Variants in GALNT10 observed in about 807,000 individuals in gnomAD.
GALNT10 encodes GalNAc transferase 10.
GALNT10 carries 41 observed loss-of-function variants against 75.0 expected under a neutral mutation model. That is an observed-to-expected ratio of 0.55 (90% CI 0.43 to 0.71). GALNT10 has a LOEUF of 0.71. Ranked by LOEUF, GALNT10 falls within the 30% of genes least tolerant of loss-of-function variation. The pLI is 0.00. For missense variants in GALNT10, 727 were observed against 818.5 expected, an observed-to-expected ratio of 0.89 and a Z score of 1.36; for synonymous variants, 302 against 313.0, an observed-to-expected ratio of 0.96 and a Z score of 0.37.
At chr5:154,315,829 G>A (rs77585238) in intron 3 of GALNT10, among the ~76,000 whole-genome samples, 2 of 152,324 alleles carry the variant, frequency 1.3e-5, no homozygotes, top group African/African-American at 4.8e-5. Flanking sequence ...TAAATTCCTT[G>A]TTGGACCAAG....
chr5:154,359,856 C>G (rs1298911442), intron 4 of GALNT10, among the ~76,000 whole-genome samples: 1 of 151,716 alleles, frequency 6.6e-6, no homozygotes, highest in Non-Finnish European at 1.5e-5. Context: ...CAAGATTCTT[C>G]TCACCATTCT....
chr5:154,385,268 G>T (rs529764113), intron 6 of GALNT10, among the ~76,000 whole-genome samples: 1 of 152,170 alleles, frequency 6.6e-6, no homozygotes, highest in African/African-American at 2.4e-5. Flanking sequence ...CCAGTCTTGT[G>T]CGAGATACCC....
chr5:154,418,067 C>G lies in GALNT10; in HGVS notation c.*1095C>G, dbSNP rs972319349. 4.6e-5 allele frequency: 7 copies of G among 152,222 alleles called. No homozygotes were observed. Among genetic ancestry groups the G allele is most frequent in the African/African-American group, 1.4e-4 (6 of 41,444 alleles). The allele number at this position is 152,222 out of a possible 1,614,324, so 9.4% of individuals were successfully genotyped here. A position where few individuals can be genotyped will look rare whatever the true frequency, so the allele number is the denominator to read the frequency against. ...GGATGCTACATAGGATTCTGGTATT[C>G]CACATCCAATATGGATTTCTAGAAT... On this transcript the variant is annotated 3_prime_UTR_variant, in exon 12 of 12. Transcript: ENST00000297107.
chr5:154,301,996 C>A (rs1754369912), intron 3 of GALNT10, among the ~76,000 whole-genome samples: 1 of 152,174 alleles, frequency 6.6e-6, no homozygotes, highest in Non-Finnish European at 1.5e-5. Context: ...TTTGGAGTCA[C>A]CAAGTGTGGA....
At chr5:154,241,262 C>T (rs1302757263) in intron 1 of GALNT10, among the ~76,000 whole-genome samples, 2 of 152,102 alleles carry the variant, frequency 1.3e-5, no homozygotes, top group African/African-American at 4.8e-5. Flanking sequence ...AATTCTGGGC[C>T]CCAGCTGAGG....
intron 3 of GALNT10, among the ~76,000 whole-genome samples, chr5:154,305,376 T>C (rs1754418946): frequency 6.6e-6 from 1 of 151,890 alleles, no homozygotes; most frequent in Non-Finnish European, 1.5e-5. Flanking sequence ...ATAATCACAT[T>C]AAATGTAAAT....
intron 1 of GALNT10, among the ~76,000 whole-genome samples, chr5:154,293,059 G>A (rs1754219083): frequency 6.6e-6 from 1 of 152,156 alleles, no homozygotes; most frequent in Non-Finnish European, 1.5e-5. Context: ...GTCTATAGGA[G>A]AAAGAATACA....
intron 3 of GALNT10, among the ~76,000 whole-genome samples, chr5:154,301,158 A>T (rs539118809): frequency 5.3e-5 from 8 of 152,316 alleles, no homozygotes; most frequent in African/African-American, 1.9e-4. Context: ...GAGTCTGTGA[A>T]GTTGGATGAG....
At chr5:154,211,724 C>T (rs1581920299) in intron 1 of GALNT10, among the ~76,000 whole-genome samples, 1 of 152,108 alleles carries the variant, frequency 6.6e-6, no homozygotes, top group Non-Finnish European at 1.5e-5. Flanking sequence ...CAACCGGAGC[C>T]GGTTAATCTA....
intron 4 of GALNT10, among the ~76,000 whole-genome samples, chr5:154,363,243 G>A (rs1240427981): frequency 1.3e-5 from 2 of 152,030 alleles, no homozygotes; most frequent in East Asian, 3.9e-4. Flanking sequence ...GGTGTGACTA[G>A]CACAGCTTGT....
chr5:154,343,930 C>G (rs905576372), intron 4 of GALNT10, among the ~76,000 whole-genome samples: 4 of 152,232 alleles, frequency 2.6e-5, no homozygotes, highest in Admixed American at 6.5e-5. Context: ...AGAATACTCA[C>G]TGGCTCGGGT....
In GALNT10 at chr5:154,190,953, G is replaced by A; in HGVS notation, c.87G>A (p.Ala29=). Residue 29 remains alanine (A), a synonymous_variant, in exon 1 of 12, where the codon GCG becomes GCA. Coordinates refer to ENST00000297107, the MANE Select transcript of GALNT10 (RefSeq NM_198321.4). ...LVLLPNVGLW[A]LYRERQPDGT... ...TCCTGCCCAACGTGGGGCTTTGGGC[G>A]CTGTACCGCGAGCGGCAGCCCGACG... 3 of 1,509,572 alleles carry A rather than the reference G, an allele frequency of 2.0e-6. No homozygotes were observed. Among genetic ancestry groups the A allele is most frequent in the Non-Finnish European group, 2.7e-6 (3 of 1,131,012 alleles). The allele number at this position is 1,509,572 out of a possible 1,614,324, so 93.5% of individuals were successfully genotyped here.
At chr5:154,380,763 C>A in intron 6 of GALNT10, 132 bp downstream of exon 6, 2 of 610,428 alleles carry the variant, frequency 3.3e-6, no homozygotes, top group East Asian at 2.8e-5. Flanking sequence ...CACTTAGTAC[C>A]AAGTGTCAGA....
rs183099425 is a variant in GALNT10, at chr5:154,417,544, G to T, written c.*572G>T. 1 of 153,702 alleles carries T rather than the reference G, an allele frequency of 6.5e-6. No individual in the cohort carries two copies. Among genetic ancestry groups the T allele is most frequent in the Non-Finnish European group, 1.4e-5 (1 of 69,078 alleles). 9.5% of individuals were successfully genotyped at this position (153,702 alleles called of 1,614,324 possible). On this transcript the variant is annotated 3_prime_UTR_variant, in exon 12 of 12. Transcript: ENST00000297107. ...CTCTGTCACAACCCCAGGTGATTTG[G>T]TCCGGTCAAAGGCCATACTTGGGGC...
intron 3 of GALNT10, among the ~76,000 whole-genome samples, chr5:154,305,304 A>C (rs1464277264): frequency 6.6e-6 from 1 of 151,830 alleles, no homozygotes; most frequent in Non-Finnish European, 1.5e-5. Flanking sequence ...TGTAAAAAAA[A>C]AAAAAAAGAA....
chr5:154,208,189 G>A (rs1276637169), intron 1 of GALNT10, among the ~76,000 whole-genome samples: 2 of 152,180 alleles, frequency 1.3e-5, no homozygotes, highest in Non-Finnish European at 2.9e-5. Context: ...TCTCTGCTAA[G>A]CACTTGACAT....
At chr5:154,387,177 G>A (rs1181559472) in intron 7 of GALNT10, 1 of 152,174 alleles carries the variant, frequency 6.6e-6, no homozygotes, top group Admixed American at 6.5e-5. Context: ...ACCAGCCTAT[G>A]GACTCTGGAA....
intron 10 of GALNT10, 89 bp downstream of exon 10, chr5:154,413,094 C>A: frequency 1.3e-6 from 1 of 797,210 alleles, no homozygotes; most frequent in Admixed American, 2.1e-5. Context: ...GAGGGAGAGG[C>A]ATGGGTCAGT....
intron 1 of GALNT10, among the ~76,000 whole-genome samples, chr5:154,252,627 C>T (rs1046077738): frequency 4.0e-5 from 6 of 150,802 alleles, no homozygotes; most frequent in Non-Finnish European, 7.4e-5. Flanking sequence ...CTCCTTCATT[C>T]CTTCCTTCCT....
Sources: gnomAD v4.1 joint callset for allele counts (sites outside exome capture counted in the v4.1 genomes callset) on GRCh38, gnomAD v4.1.1 for gene constraint, MANE v1.5 for transcripts, NCBI Gene and HGNC (gene_info 2026-07-23, HGNC 2026-07-21) for gene names.